ZNF185: variants seen among roughly 807,000 people sequenced by gnomAD.
ZNF185 encodes the protein zinc finger protein 185 with LIM domain.
Under a neutral mutation model 58.6 loss-of-function variants are expected in ZNF185, and 56 were observed. The ratio of observed to expected loss-of-function variants is 0.95; its 90% CI spans 0.77 to 1.19. The LOEUF (loss-of-function observed/expected upper bound fraction) is 1.19, where lower values mean the gene tolerates loss of function less well. Among genes scored for constraint, ZNF185 ranks in the 50% most tolerant of loss-of-function variants. The pLI is 0.00. For missense variants in ZNF185, 627 were observed against 573.5 expected, an observed-to-expected ratio of 1.09 and a Z score of -0.95; for synonymous variants, 230 against 215.9, an observed-to-expected ratio of 1.07 and a Z score of -0.57.
chrX:152,970,384 T>A (rs1220710197), intron 21 of ZNF185, 59 bp from the exon 24 acceptor site: 1 of 1,101,795 alleles, frequency 9.1e-7, no homozygotes, highest in Non-Finnish European at 1.2e-6. Context: ...CCCTTCCCAC[T>A]CCACTCATTC....
At chrX:152,922,616 T>C in intron 10 of ZNF185, 104 bp from the exon 12 acceptor site, 1 of 771,440 alleles carries the variant, frequency 1.3e-6, no homozygotes, top group African/African-American at 2.1e-5. Flanking sequence ...AGCATGCCAT[T>C]GTCAGACTTG....
chrX:152,932,744 T>C (rs2045842875), intron 13 of ZNF185, 129 bp from the exon 15 acceptor site: 1 of 479,946 alleles, frequency 2.1e-6, no homozygotes, highest in South Asian at 3.3e-5. Context: ...GGCTCAGCTC[T>C]GGTCAGAGCA....
intron 11 of ZNF185, among the ~76,000 whole-genome samples, chrX:152,926,970 C>G (rs1940978654): frequency 8.9e-6 from 1 of 112,345 alleles, no homozygotes; most frequent in Admixed American, 9.4e-5. Context: ...CGCCTCACTC[C>G]CATCTCGGCC....
chrX:152,919,025 C>G lies in ZNF185; in HGVS notation c.474C>G (p.Thr158=), dbSNP rs782394332. 3 of 1,204,552 alleles carry G rather than the reference C, an allele frequency of 2.5e-6. No homozygotes were observed. In the Middle Eastern group the frequency reaches 6.9e-4, roughly 279 times the overall value. The change falls in exon 7 of 23, where the codon ACC becomes ACG. Residue 158 remains threonine, a synonymous_variant. Coordinates refer to ENST00000449285, the Ensembl canonical transcript of ZNF185. ...GGCGCAGCTCTACATCAGGGGACAC[C>G]GAGGAGGAGGAGGAGGAGGAGGTGG...
the ZNF185 span, among the ~76,000 whole-genome samples, chrX:152,909,301 G>C: frequency 3.6e-5 from 4 of 112,453 alleles, no homozygotes; most frequent in South Asian, 1.5e-3. Context: ...TATGAAAGCA[G>C]ACATAGGCAT....
At chrX:152,919,212 C>A (rs782626867) in intron 7 of ZNF185, 131 bp downstream of exon 8, 2 of 512,654 alleles carry the variant, frequency 3.9e-6, no homozygotes, top group African/African-American at 2.3e-5. Flanking sequence ...CGGTAGCCCA[C>A]GGAGCATGAG....
intron 14 of ZNF185, 122 bp from the exon 16 acceptor site, chrX:152,936,296 A>G (rs1192191184): frequency 1.9e-6 from 1 of 535,711 alleles, no homozygotes; most frequent in Non-Finnish European, 3.0e-6. Flanking sequence ...TTCCTCAAGC[A>G]TCCATTTGAG....
chrX:152,911,833 TCCATC>T (rs1410918035), upstream of ZNF185, among the ~76,000 whole-genome samples: 4 of 57,941 alleles, frequency 6.9e-5, no homozygotes, highest in South Asian at 1.8e-3. Context: ...TCCCATCCCA[TCCATC>T]CCATCCCATC....
At chrX:152,964,760 G>A (rs1414750565) in intron 18 of ZNF185, among the ~76,000 whole-genome samples, 5 of 110,636 alleles carry the variant, frequency 4.5e-5, no homozygotes, top group African/African-American at 1.6e-4. Flanking sequence ...AGTGAGGTGT[G>A]TGTGTTGGGG....
At chrX:152,952,609 G>C (rs1295064812) in intron 16 of ZNF185, among the ~76,000 whole-genome samples, 1 of 110,485 alleles carries the variant, frequency 9.1e-6, no homozygotes, top group Admixed American at 9.6e-5. Context: ...GTGGGAAGGG[G>C]AAAGCCTGGT....
intron 11 of ZNF185, among the ~76,000 whole-genome samples, chrX:152,923,228 T>A (rs3827417): frequency 0.2 from 21,878 of 111,195 alleles, 1,707 homozygotes; most frequent in Non-Finnish European, 0.24. Flanking sequence ...ACCGGTCACT[T>A]CCCAGGCCCC....
chrX:152,966,016 AT>A (rs1225175809), intron 19 of ZNF185, among the ~76,000 whole-genome samples: 22 of 108,241 alleles, frequency 2.0e-4, no homozygotes, highest in African/African-American at 1.0e-4. Context: ...ATTTTAATTA[AT>A]TTTTTTTTGA....
At chrX:152,935,381 G>A (rs979139133) in intron 14 of ZNF185, among the ~76,000 whole-genome samples, 10 of 109,169 alleles carry the variant, frequency 9.2e-5, no homozygotes, top group Non-Finnish European at 1.3e-4. Flanking sequence ...GACTACAGGC[G>A]CCCGCCACCA....
At chrX:152,944,780 C>G (rs1162569005) in intron 15 of ZNF185, among the ~76,000 whole-genome samples, 1 of 111,109 alleles carries the variant, frequency 9.0e-6, no homozygotes, top group Non-Finnish European at 1.9e-5. Context: ...AGGAGGATCG[C>G]TTGAGACCAG....
intron 17 of ZNF185, among the ~76,000 whole-genome samples, chrX:152,960,642 G>T (rs1395697459): frequency 2.7e-5 from 3 of 112,130 alleles, no homozygotes; most frequent in African/African-American, 9.7e-5. Context: ...GTGACTTGTA[G>T]CATATTTTTT....
intron 16 of ZNF185, among the ~76,000 whole-genome samples, chrX:152,956,653 C>T (rs965882032): frequency 8.9e-6 from 1 of 111,933 alleles, no homozygotes; most frequent in South Asian, 3.7e-4. Flanking sequence ...ACTGGAGAAT[C>T]GCCTGAACCC....
intron 16 of ZNF185, among the ~76,000 whole-genome samples, chrX:152,945,728 A>G (rs73633245): frequency 0.036 from 4,061 of 111,468 alleles, 190 homozygotes; most frequent in African/African-American, 0.13. Context: ...CTAATTCCCA[A>G]TGCATGGGGC....
intron 9 of ZNF185, 90 bp from the exon 11 acceptor site, chrX:152,922,083 T>C (rs1939831967): frequency 1.0e-6 from 1 of 981,006 alleles, no homozygotes. Flanking sequence ...GTTGGGTCAG[T>C]TAGACGCCAC....
At chrX:152,920,366 C>A (rs782311866) in exon 8 of ZNF185, 1 of 1,210,919 alleles carries the variant, frequency 8.3e-7, no homozygotes, top group South Asian at 1.8e-5. Context: ...AGGACAGCTC[C>A]CCGGGAGCAC....
Sources: gnomAD v4.1 joint callset for allele counts (sites outside exome capture counted in the v4.1 genomes callset) on GRCh38, gnomAD v4.1.1 for gene constraint, MANE v1.5 for transcripts, NCBI Gene and HGNC (gene_info 2026-07-23, HGNC 2026-07-21) for gene names.